The following PTP4A2 variants were observed in gnomAD, a reference collection of about 807,000 sequenced individuals.
PTP4A2 encodes the protein protein tyrosine phosphatase type IVA 2.
Under a neutral mutation model 22.9 loss-of-function variants are expected in PTP4A2, and 2 were observed. The ratio of observed to expected loss-of-function variants is 0.09; its 90% CI spans 0.04 to 0.27. The LOEUF (loss-of-function observed/expected upper bound fraction) is 0.27, where lower values mean the gene tolerates loss of function less well. Among genes scored for constraint, PTP4A2 ranks in the 10% least tolerant of loss-of-function variants. The probability of loss-of-function intolerance (pLI) is 1.00; values close to 1 mark genes in which losing one functional copy is unlikely to be tolerated. For missense variants in PTP4A2, 103 were observed against 205.1 expected (o/e 0.50, Z 3.04); for synonymous variants, 68 against 69.1 (o/e 0.98, Z 0.08).
chr1:31,928,134 T>C (rs970513983), intron 1 of PTP4A2, among the ~76,000 whole-genome samples: 1 of 148,752 alleles, frequency 6.7e-6, no homozygotes, highest in East Asian at 1.9e-4. Flanking sequence ...AATAATCTAG[T>C]CCTTGAAACT....
chr1:31,914,972 C>T (rs1208355702), intron 3 of PTP4A2, among the ~76,000 whole-genome samples: 2 of 152,182 alleles, frequency 1.3e-5, no homozygotes, highest in Non-Finnish European at 2.9e-5. Context: ...TCCTCATCCT[C>T]TTATCCCACC....
At chr1:31,915,814 A>C in intron 3 of PTP4A2, 81 bp downstream of exon 3, 245 of 793,356 alleles carry the variant, frequency 3.1e-4, no homozygotes, top group Non-Finnish European at 4.4e-4. Context: ...GGTGTGAGCC[A>C]GTGCACCTGG....
At chr1:31,934,718 T>C (rs1652861506) in intron 1 of PTP4A2, among the ~76,000 whole-genome samples, 1 of 152,202 alleles carries the variant, frequency 6.6e-6, no homozygotes, top group Admixed American at 6.5e-5. Context: ...GTCAACTATA[T>C]ATGGGGCTCT....
intron 1 of PTP4A2, among the ~76,000 whole-genome samples, chr1:31,927,392 C>T (rs1207662009): frequency 6.6e-6 from 1 of 152,132 alleles, no homozygotes; most frequent in Non-Finnish European, 1.5e-5. Flanking sequence ...TGAAAAACTA[C>T]TTATCAGGTA....
intron 4 of PTP4A2, 163 bp from the exon 5 acceptor site, chr1:31,910,275 T>C (rs888076604): frequency 3.3e-5 from 18 of 553,662 alleles, no homozygotes; most frequent in Non-Finnish European, 5.4e-5. Flanking sequence ...TCATCATCAT[T>C]AATTCTATGA....
chr1:31,936,263 A>AC (rs1569662130), intron 1 of PTP4A2, among the ~76,000 whole-genome samples: 4 of 152,046 alleles, frequency 2.6e-5, no homozygotes, highest in African/African-American at 9.6e-5. Context: ...ACAAGGTGAA[A>AC]CCCCATCTCT....
rs1220167294 is a variant in PTP4A2 at position 31,922,625 on chromosome 1, TC to T, written c.-593-2968del. 1.4e-4 allele frequency among the ~76,000 whole-genome samples: 21 copies of T among 146,610 alleles called. 1 individual carries two copies. The highest frequency in any genetic ancestry group is 5.7e-4 in the African/African-American group (21 of 37,158). On this transcript the variant is annotated intron_variant, in intron 1 of 5. Coordinates refer to ENST00000647444, the MANE Select transcript of PTP4A2 (RefSeq NM_080391.4). ...TTCTTTCTTTCTTTCTTTCTTTCTT[TC>T]TTTCTTTCTTTTATTTATTTTGAGA...
At chr1:31,909,170 G>A (rs1238569665) in intron 5 of PTP4A2, among the ~76,000 whole-genome samples, 1 of 152,152 alleles carries the variant, frequency 6.6e-6, no homozygotes, top group African/African-American at 2.4e-5. Flanking sequence ...CTTGCTGACT[G>A]TCATTATAGT....
At chr1:31,913,818 A>C in intron 3 of PTP4A2, 1 of 456,310 alleles carries the variant, frequency 2.2e-6, no homozygotes, top group Non-Finnish European at 4.4e-6. Flanking sequence ...ACTATGGTCA[A>C]TCCAGTCATT....
At position 31,908,908 on chromosome 1, in the gene PTP4A2, G is replaced by T; in HGVS notation, c.448C>A (p.Arg150=). The T allele has an allele frequency of 1.2e-6, 2 of 1,613,866 alleles. No individual in the cohort carries two copies. The highest frequency in any genetic ancestry group is 1.7e-6 in the Non-Finnish European group (2 of 1,179,900). Residue 150 remains arginine (R), a synonymous_variant, in exon 6 of 6, where the codon CGA becomes AGA. Transcript: ENST00000647444. The part of the protein sequence containing the change: ...SKQLLYLEKY[R]PKMRLRFRDT... ...CTGAAGCGTAATCGCATCTTAGGTC[G>T]GTATTTCTCCAAATAAAGCAGCTGT...
At position 31,909,976 on chromosome 1, in the gene PTP4A2, A is replaced by C; in HGVS notation, c.395+62T>G. On this transcript the variant is annotated intron_variant, in intron 5 of 5. Coordinates refer to ENST00000647444, the MANE Select transcript of PTP4A2 (RefSeq NM_080391.4). ...TACTATAAATGAATATCCCTTCCAT[A>C]ATTCCTTCCTCATGCATGATCTTGC... 4.9e-6 allele frequency: 7 copies of C among 1,415,976 alleles called. No homozygotes were observed. In the South Asian group the frequency reaches 7.0e-5, roughly 14 times the overall value. The allele number at this position is 1,415,976 out of a possible 1,614,324, so 87.7% of individuals were successfully genotyped here.
At chr1:31,918,617 T>C (rs1651980677) in intron 2 of PTP4A2, among the ~76,000 whole-genome samples, 4 of 152,228 alleles carry the variant, frequency 2.6e-5, no homozygotes, top group Admixed American at 2.6e-4. Flanking sequence ...GTTTTTGTAT[T>C]TGTGACCTTA....
At chr1:31,921,552 T>C (rs1426580276) in intron 1 of PTP4A2, 1 of 152,216 alleles carries the variant, frequency 6.6e-6, no homozygotes, top group Admixed American at 6.5e-5. Flanking sequence ...GCCTGCTGCT[T>C]TGAAACACAG....
intron 1 of PTP4A2, among the ~76,000 whole-genome samples, chr1:31,920,739 C>T (rs780537235): frequency 5.9e-5 from 9 of 151,738 alleles, no homozygotes; most frequent in Non-Finnish European, 8.8e-5. Context: ...GGCTTCACCA[C>T]GTTGACCAGG....
chr1:31,920,849 C>A (rs1186148415), intron 1 of PTP4A2, among the ~76,000 whole-genome samples: 1 of 152,108 alleles, frequency 6.6e-6, no homozygotes, highest in Non-Finnish European at 1.5e-5. Flanking sequence ...ATGAACTCTT[C>A]ATAAACTTCA....
chr1:31,929,758 A>G (rs986603452), intron 1 of PTP4A2, among the ~76,000 whole-genome samples: 3 of 152,234 alleles, frequency 2.0e-5, no homozygotes, highest in Admixed American at 1.3e-4. Context: ...CCATTGAATC[A>G]ATAATTTCAT....
At chr1:31,927,041 G>A (rs1368099945) in intron 1 of PTP4A2, among the ~76,000 whole-genome samples, 2 of 152,122 alleles carry the variant, frequency 1.3e-5, no homozygotes, top group Non-Finnish European at 2.9e-5. Flanking sequence ...GAGGACAATG[G>A]AATGAATAGA....
intron 2 of PTP4A2, among the ~76,000 whole-genome samples, chr1:31,917,846 C>T (rs1337409693): frequency 3.3e-5 from 5 of 149,908 alleles, no homozygotes; most frequent in Admixed American, 2.0e-4. Context: ...TGGTGGCGCG[C>T]GCCTGTAGTC....
Position 31,908,216 on chromosome 1 carries a change from T to A in PTP4A2, c.*636A>T, listed in dbSNP as rs1651340695. On this transcript the variant is annotated 3_prime_UTR_variant, in exon 6 of 6. Coordinates refer to ENST00000647444, the MANE Select transcript of PTP4A2 (RefSeq NM_080391.4). ...TATATATATATATATATCACTGCTG[T>A]TTTTTTGGTGTTGTTTTTTGTTTTT... 1 of 89,126 alleles carries A rather than the reference T, an allele frequency of 1.1e-5. No homozygotes were observed. Among genetic ancestry groups the A allele is most frequent in the African/African-American group, 4.7e-5 (1 of 21,402 alleles). The allele number at this position is 89,126 out of a possible 1,614,324, so 5.5% of individuals were successfully genotyped here.
Sources: gnomAD v4.1 joint callset for allele counts (sites outside exome capture counted in the v4.1 genomes callset) on GRCh38, gnomAD v4.1.1 for gene constraint, MANE v1.5 for transcripts, NCBI Gene and HGNC (gene_info 2026-07-23, HGNC 2026-07-21) for gene names.